EPHB1: variants seen among roughly 807,000 people sequenced by gnomAD.
EPHB1 encodes the protein EPH receptor B1.
Under a neutral mutation model 94.4 loss-of-function variants are expected in EPHB1, and 30 were observed. The observed-to-expected ratio is 0.32, with a 90% CI of 0.24 to 0.43. The LOEUF (loss-of-function observed/expected upper bound fraction) is 0.43, where lower values mean the gene tolerates loss of function less well. EPHB1 is among the 20% of genes least tolerant of loss of function. EPHB1 has a pLI of 1.00. For synonymous variants in EPHB1, 522 were observed against 489.1 expected (o/e 1.07, Z -0.89); for missense variants, 1,055 against 1,308.3 (o/e 0.81, Z 2.99).
intron 5 of EPHB1, among the ~76,000 whole-genome samples, chr3:135,150,555 A>T (rs969712270): frequency 2.0e-5 from 3 of 152,146 alleles, no homozygotes; most frequent in African/African-American, 7.2e-5. Flanking sequence ...ATTTTACCTG[A>T]CTTAGCAACA....
chr3:135,127,539 C>A (rs544917331), intron 4 of EPHB1, among the ~76,000 whole-genome samples: 1 of 152,262 alleles, frequency 6.6e-6, no homozygotes, highest in Admixed American at 6.5e-5. Context: ...CTTGTACCAG[C>A]CTGAAATTTA....
intron 1 of EPHB1, among the ~76,000 whole-genome samples, chr3:134,865,974 A>G (rs2037368692): frequency 1.3e-5 from 2 of 152,208 alleles, no homozygotes; most frequent in Admixed American, 1.3e-4. Context: ...TCTCACTGGG[A>G]CTTGTTAAAA....
chr3:134,993,963 T>C (rs1286486758), intron 3 of EPHB1, among the ~76,000 whole-genome samples: 1 of 152,230 alleles, frequency 6.6e-6, no homozygotes, highest in East Asian at 1.9e-4. Context: ...TTCCCCACTT[T>C]CTATTCATTT....
intron 3 of EPHB1, among the ~76,000 whole-genome samples, chr3:134,978,968 T>C (rs1007998061): frequency 6.6e-6 from 1 of 152,184 alleles, no homozygotes; most frequent in Non-Finnish European, 1.5e-5. Flanking sequence ...TCCTCCATGA[T>C]GTTGTCCTCA....
intron 2 of EPHB1, among the ~76,000 whole-genome samples, chr3:134,931,072 C>T (rs750556619): frequency 3.4e-4 from 52 of 152,228 alleles, no homozygotes; most frequent in Non-Finnish European, 6.6e-4. Flanking sequence ...GGCCCCTGAA[C>T]TTAGGAGACA....
chr3:135,216,215 A>C (rs1200365509), intron 12 of EPHB1, among the ~76,000 whole-genome samples: 1 of 152,166 alleles, frequency 6.6e-6, no homozygotes, highest in Non-Finnish European at 1.5e-5. Flanking sequence ...TGCCGCCAGC[A>C]CAAAGCTCCA....
At chr3:134,970,380 C>G (rs763178308) in intron 3 of EPHB1, among the ~76,000 whole-genome samples, 7 of 152,122 alleles carry the variant, frequency 4.6e-5, no homozygotes, top group Non-Finnish European at 2.9e-5. Context: ...TTCACTTTTT[C>G]CAAGCCTTTA....
intron 3 of EPHB1, among the ~76,000 whole-genome samples, chr3:134,979,115 A>C (rs1934309161): frequency 6.6e-6 from 1 of 152,228 alleles, no homozygotes. Flanking sequence ...TTCTTTGGGG[A>C]AATAATTACT....
chr3:135,058,954 T>G (rs1187451281), intron 3 of EPHB1, among the ~76,000 whole-genome samples: 1 of 152,244 alleles, frequency 6.6e-6, no homozygotes, highest in African/African-American at 2.4e-5. Flanking sequence ...GAACACTCAA[T>G]GACACCTCAC....
chr3:135,033,582 G>A (rs1485244617), intron 3 of EPHB1, among the ~76,000 whole-genome samples: 1 of 152,216 alleles, frequency 6.6e-6, no homozygotes, highest in Non-Finnish European at 1.5e-5. Flanking sequence ...AGGACCTGCT[G>A]TGCACAGGCA....
In EPHB1 at chr3:135,061,049, GTC is replaced by G. The variant is rs542835571; in HGVS notation, c.806-45397_806-45396del. On this transcript the variant is annotated intron_variant, in intron 3 of 15. Transcript: ENST00000398015. ...AAATAAATGAGAATATGTGATATTT[GTC>G]TTTCTGTTTCTGGCTTATCTCACTT... Among the ~76,000 whole-genome samples, 253 of 152,006 alleles carry G rather than the reference GTC, an allele frequency of 1.7e-3. 1 individual carries two copies. The highest frequency in any genetic ancestry group is 5.6e-3 in the African/African-American group (232 of 41,462).
rs550197144 is a variant in EPHB1, at chr3:134,854,649, A to G, written c.58+58960A>G. ...AGGCTTCTCTGAGTAATCGCTTTGT[A>G]TGTCCTGTGGACCCCGTGACCCGTG... is the stretch of plus-strand genomic sequence containing the variant. On this transcript the variant is annotated intron_variant, in intron 1 of 15. Coordinates refer to ENST00000398015, the MANE Select transcript of EPHB1 (RefSeq NM_004441.5). 5.3e-5 allele frequency among the ~76,000 whole-genome samples: 8 copies of G among 152,210 alleles called. No individual in the cohort carries two copies. In the South Asian group the frequency reaches 1.7e-3, roughly 32 times the overall value.
intron 5 of EPHB1, among the ~76,000 whole-genome samples, chr3:135,137,427 G>A (rs956118370): frequency 5.3e-5 from 8 of 152,306 alleles, no homozygotes; most frequent in Non-Finnish European, 1.2e-4. Flanking sequence ...TAGCCTGTTG[G>A]CGATGGTTTG....
At chr3:134,850,804 T>G (rs1204984180) in intron 1 of EPHB1, among the ~76,000 whole-genome samples, 1 of 152,238 alleles carries the variant, frequency 6.6e-6, no homozygotes, top group Non-Finnish European at 1.5e-5. Context: ...TGGGAGCTCT[T>G]GTGGCTACTC....
intron 3 of EPHB1, among the ~76,000 whole-genome samples, chr3:135,006,944 G>T (rs1026527724): frequency 1.3e-5 from 2 of 152,090 alleles, no homozygotes. Context: ...TGGTACCCTT[G>T]TAGATTTAAC....
intron 1 of EPHB1, among the ~76,000 whole-genome samples, chr3:134,847,175 G>T (rs1298213554): frequency 6.7e-6 from 1 of 149,034 alleles, no homozygotes; most frequent in Non-Finnish European, 1.5e-5. Flanking sequence ...ACACATCATG[G>T]AAAAAAAAAA....
intron 1 of EPHB1, among the ~76,000 whole-genome samples, chr3:134,795,989 G>T (rs1231226948): frequency 6.6e-6 from 1 of 152,250 alleles, no homozygotes; most frequent in Admixed American, 6.5e-5. Context: ...CTCGGAGCCC[G>T]CTGCATTGCG....
intron 3 of EPHB1, among the ~76,000 whole-genome samples, chr3:135,051,199 T>A (rs1412042591): frequency 6.6e-6 from 1 of 152,180 alleles, no homozygotes; most frequent in Admixed American, 6.6e-5. Context: ...ACCCATGATA[T>A]CTAAGAGTCC....
intron 9 of EPHB1, among the ~76,000 whole-genome samples, chr3:135,170,872 C>T (rs866438822): frequency 6.6e-6 from 1 of 152,136 alleles, no homozygotes; most frequent in Admixed American, 6.5e-5. Context: ...GGGTCAAGGG[C>T]TTTCAGAAAG....
Sources: allele counts gnomAD v4.1 joint callset (sites outside exome capture counted in the v4.1 genomes callset), GRCh38; gene constraint gnomAD v4.1.1; transcripts MANE v1.5; gene names NCBI Gene and HGNC (gene_info 2026-07-23, HGNC 2026-07-21).